Variants in HS3ST4 observed in about 807,000 individuals in gnomAD.
The protein encoded by HS3ST4 is heparan sulfate-glucosamine 3-sulfotransferase 4, also known as heparan sulfate glucosamine 3-O-sulfotransferase 4.
In HS3ST4, 17 loss-of-function variants were observed where a neutral mutation model predicts 29.2. The ratio of observed to expected loss-of-function variants is 0.58; its 90% CI spans 0.40 to 0.87. The LOEUF (loss-of-function observed/expected upper bound fraction) is 0.87, where lower values mean the gene tolerates loss of function less well. HS3ST4 is among the 40% of genes least tolerant of loss of function. The pLI is 0.00. For synonymous variants in HS3ST4, 314 were observed against 285.7 expected (o/e 1.10, Z -1.00); for missense variants, 627 against 634.5 (o/e 0.99, Z 0.13).
intron 1 of HS3ST4, among the ~76,000 whole-genome samples, chr16:25,709,652 T>C (rs1233929864): frequency 2.6e-5 from 4 of 151,930 alleles, no homozygotes; most frequent in Non-Finnish European, 5.9e-5. Flanking sequence ...AGGTCTCTGC[T>C]TGAAGATTCT....
chr16:25,849,621 C>T (rs529197060), intron 1 of HS3ST4, among the ~76,000 whole-genome samples: 11 of 152,302 alleles, frequency 7.2e-5, no homozygotes, highest in African/African-American at 2.6e-4. Flanking sequence ...CTTTGCACCT[C>T]AGCCTCTAGG....
rs77919430 is a variant in HS3ST4 at position 25,748,874 on chromosome 16, G to A, written c.734+55723G>A. Among the ~76,000 whole-genome samples the A allele has an allele frequency of 8.0e-3, 1,215 of 152,290 alleles. 18 individuals carry two copies. The highest frequency in any genetic ancestry group is 0.028 in the African/African-American group (1,153 of 41,566). ...GTTTAGAATAAAAACAGGATTAAAGGGGCATTTCTTAGATTCAGTACAGCA... is the reference window on the plus strand; with the variant it reads ...GTTTAGAATAAAAACAGGATTAAAGAGGCATTTCTTAGATTCAGTACAGCA... On this transcript the variant is annotated intron_variant, in intron 1 of 1. Coordinates refer to ENST00000331351, the MANE Select transcript of HS3ST4 (RefSeq NM_006040.3).
At chr16:26,118,900 G>C (rs1006308104) in intron 1 of HS3ST4, among the ~76,000 whole-genome samples, 8 of 152,154 alleles carry the variant, frequency 5.3e-5, no homozygotes, top group Non-Finnish European at 1.0e-4. Context: ...GTAACATAAT[G>C]AGACATTTTT....
intron 1 of HS3ST4, among the ~76,000 whole-genome samples, chr16:25,711,329 G>A (rs1596550148): frequency 1.3e-5 from 2 of 152,144 alleles, no homozygotes; most frequent in African/African-American, 4.8e-5. Context: ...GGGCAGCTGA[G>A]GTAGGAGAGT....
chr16:26,077,342 A>T (rs1166489140), intron 1 of HS3ST4, among the ~76,000 whole-genome samples: 2 of 152,238 alleles, frequency 1.3e-5, no homozygotes, highest in African/African-American at 2.4e-5. Flanking sequence ...GAGACAGGGA[A>T]ATAGGCCCCA....
rs1383051897 is a variant in HS3ST4, at chr16:25,873,349, T to C, written c.734+180198T>C. Among the ~76,000 whole-genome samples the C allele has an allele frequency of 4.2e-3, 633 of 148,960 alleles. 2 individuals are homozygous for C. Among genetic ancestry groups the C allele is most frequent in the South Asian group, 0.019 (84 of 4,540 alleles). On this transcript the variant is annotated intron_variant, in intron 1 of 1. Transcript: ENST00000331351. Reference sequence around the variant, plus strand: ...TTCCTTCCTTCCTTTCATCCATCTATCCATCCATCCACCTAGCAAGCCATC... The same window carrying C: ...TTCCTTCCTTCCTTTCATCCATCTACCCATCCATCCACCTAGCAAGCCATC...
rs112183677 is a variant in HS3ST4 at position 25,911,107 on chromosome 16, G to A, written c.734+217956G>A. Among the ~76,000 whole-genome samples the A allele has an allele frequency of 9.1e-3, 1,379 of 152,208 alleles. 26 individuals are homozygous for A. Among genetic ancestry groups the A allele is most frequent in the African/African-American group, 0.031 (1,292 of 41,528 alleles). On this transcript the variant is annotated intron_variant, in intron 1 of 1. Transcript: ENST00000331351. ...AGTTTATTGTATTGAGAAATATGAA[G>A]ACATTCCCTCAGAGGCCCCAAAAAT...
At chr16:25,777,001 A>G (rs1031851501) in intron 1 of HS3ST4, among the ~76,000 whole-genome samples, 1 of 152,092 alleles carries the variant, frequency 6.6e-6, no homozygotes, top group South Asian at 2.1e-4. Context: ...ACTTTTTTCC[A>G]TTGCAGGATA....
At chr16:26,060,226 A>T (rs1898459210) in intron 1 of HS3ST4, among the ~76,000 whole-genome samples, 1 of 152,200 alleles carries the variant, frequency 6.6e-6, no homozygotes, top group Non-Finnish European at 1.5e-5. Flanking sequence ...AAGACATGAG[A>T]GGACTCAGGA....
intron 1 of HS3ST4, among the ~76,000 whole-genome samples, chr16:25,768,512 T>C (rs1285708202): frequency 6.6e-6 from 1 of 152,118 alleles, no homozygotes; most frequent in Non-Finnish European, 1.5e-5. Flanking sequence ...GACCAGGAGC[T>C]GAGAAGCCAG....
At chr16:26,092,389 T>A (rs1167795693) in intron 1 of HS3ST4, among the ~76,000 whole-genome samples, 2 of 152,192 alleles carry the variant, frequency 1.3e-5, no homozygotes, top group African/African-American at 2.4e-5. Context: ...TGGTTCCCAC[T>A]GCTCCATGTC....
At chr16:26,005,694 C>T (rs530653561) in intron 1 of HS3ST4, among the ~76,000 whole-genome samples, 5 of 146,680 alleles carry the variant, frequency 3.4e-5, no homozygotes, top group East Asian at 4.0e-4. Flanking sequence ...AGGATAGCCA[C>T]GAGGGGATAA....
intron 1 of HS3ST4, among the ~76,000 whole-genome samples, chr16:26,052,669 T>C (rs1261961100): frequency 6.6e-6 from 1 of 152,156 alleles, no homozygotes; most frequent in East Asian, 1.9e-4. Flanking sequence ...CCACACCTGA[T>C]TCCCATGTAT....
chr16:26,029,917 C>A (rs1279039824), intron 1 of HS3ST4, among the ~76,000 whole-genome samples: 1 of 152,186 alleles, frequency 6.6e-6, no homozygotes, highest in African/African-American at 2.4e-5. Context: ...AACCCCACAC[C>A]TCTGCACACA....
At chr16:25,754,366 A>G (rs1966741896) in intron 1 of HS3ST4, among the ~76,000 whole-genome samples, 1 of 147,028 alleles carries the variant, frequency 6.8e-6, no homozygotes, top group Non-Finnish European at 1.5e-5. Flanking sequence ...TCATCCACCC[A>G]CCCACCCATT....
chr16:26,020,654 A>T (rs757604783), intron 1 of HS3ST4, among the ~76,000 whole-genome samples: 5 of 152,140 alleles, frequency 3.3e-5, no homozygotes, highest in African/African-American at 4.8e-5. Flanking sequence ...CATGATTAAG[A>T]GCTTTGCTAC....
chr16:25,919,309 T>A (rs1307773449), intron 1 of HS3ST4, among the ~76,000 whole-genome samples: 2 of 152,022 alleles, frequency 1.3e-5, no homozygotes, highest in African/African-American at 2.4e-5. Context: ...GGATTACAGG[T>A]GAGAGCCACT....
chr16:25,692,887 C>G lies in HS3ST4; in HGVS notation c.470C>G (p.Pro157Arg), dbSNP rs760766574. The G allele has an allele frequency of 2.3e-4, 356 of 1,563,786 alleles. No homozygotes were observed. The highest frequency in any genetic ancestry group is 4.1e-4 in the African/African-American group (30 of 73,264). Residue 157 changes from proline to arginine, a missense_variant, in exon 1 of 2, where the codon CCG (proline) becomes CGG (arginine). Physicochemically the swap from Pro to Arg is moderately radical, Grantham distance 103 (BLOSUM62 -2). Coordinates refer to ENST00000331351, the MANE Select transcript of HS3ST4 (RefSeq NM_006040.3). The stretch of plus-strand genomic sequence containing the variant: ...ATGATCACGGCTCAGAGCGCGCTGC[C>G]GGAGAGGGAAGCGCAGGAGTCCAGC... ...SEMITAQSAL[P>R]EREAQESSTT...
chr16:25,992,007 C>T lies in HS3ST4; in HGVS notation c.735-143605C>T, dbSNP rs548185311. ...CTGCACTCCGGCCTGGGCGACAGAG[C>T]GAGACTCCGTCTCAAAAACAAACAA... is the stretch of plus-strand genomic sequence containing the variant. On this transcript the variant is annotated intron_variant, in intron 1 of 1. Coordinates refer to ENST00000331351, the MANE Select transcript of HS3ST4 (RefSeq NM_006040.3). Among the ~76,000 whole-genome samples the T allele has an allele frequency of 5.9e-5, 9 of 151,974 alleles. No individual in the cohort carries two copies. The East Asian group carries it at 7.8e-4, about 13-fold the overall frequency.
Sources: gnomAD v4.1 joint callset for allele counts (sites outside exome capture counted in the v4.1 genomes callset) on GRCh38, gnomAD v4.1.1 for gene constraint, MANE v1.5 for transcripts, NCBI Gene and HGNC (gene_info 2026-07-23, HGNC 2026-07-21) for gene names.